CDH4: variants seen among roughly 807,000 people sequenced by gnomAD.
CDH4 encodes cadherin 4.
CDH4 carries 33 observed loss-of-function variants against 86.0 expected under a neutral mutation model. The observed-to-expected ratio is 0.38, with a 90% CI of 0.29 to 0.51. The LOEUF is 0.51. Among genes scored for constraint, CDH4 ranks in the 20% least tolerant of loss-of-function variants. CDH4 has a pLI of 0.86. For missense variants in CDH4, 1,114 were observed against 1,307.4 expected (o/e 0.85, Z 2.28); for synonymous variants, 555 against 549.4 (o/e 1.01, Z -0.14).
intron 4 of CDH4, among the ~76,000 whole-genome samples, chr20:61,828,314 C>T (rs1363252937): frequency 6.6e-6 from 1 of 152,286 alleles, no homozygotes; most frequent in Admixed American, 6.5e-5. Flanking sequence ...ATTTGCCTCC[C>T]CCCATTACAC....
At chr20:61,701,315 T>A (rs1274924646) in intron 2 of CDH4, among the ~76,000 whole-genome samples, 2 of 152,190 alleles carry the variant, frequency 1.3e-5, no homozygotes, top group African/African-American at 4.8e-5. Flanking sequence ...GATGCTGGGG[T>A]GGAATTTCAA....
At chr20:61,818,074 G>A (rs1008982399) in intron 4 of CDH4, among the ~76,000 whole-genome samples, 4 of 151,944 alleles carry the variant, frequency 2.6e-5, no homozygotes, top group Admixed American at 6.5e-5. Flanking sequence ...CTGTCACCCA[G>A]GCTGGAGTGC....
chr20:61,384,752 C>G (rs1177819540), intron 2 of CDH4, among the ~76,000 whole-genome samples: 1 of 150,024 alleles, frequency 6.7e-6, no homozygotes, highest in East Asian at 1.9e-4. Context: ...TGGGGGTTCT[C>G]TTTCATTAAT....
At chr20:61,482,606 C>G (rs116823084) in intron 2 of CDH4, among the ~76,000 whole-genome samples, 2,838 of 152,292 alleles carry the variant, frequency 0.019, 88 homozygotes, top group African/African-American at 0.064. Context: ...TCTCCTACCC[C>G]TGTTCTGCTG....
chr20:61,903,090 T>C (rs2054747107), intron 8 of CDH4, among the ~76,000 whole-genome samples: 2 of 151,940 alleles, frequency 1.3e-5, no homozygotes, highest in Non-Finnish European at 2.9e-5. Context: ...TTAGGAAACT[T>C]CGTGTGCCAC....
chr20:61,416,770 GTC>G (rs1215400261), intron 2 of CDH4, among the ~76,000 whole-genome samples: 2 of 152,236 alleles, frequency 1.3e-5, no homozygotes, highest in Non-Finnish European at 1.5e-5. Context: ...CGCTGGGCGA[GTC>G]TCCCCGCAGC....
intron 2 of CDH4, among the ~76,000 whole-genome samples, chr20:61,543,903 A>G (rs1174272178): frequency 6.6e-6 from 1 of 152,194 alleles, no homozygotes; most frequent in South Asian, 2.1e-4. Context: ...GGACTCCCCT[A>G]GGATTCTAGA....
intron 2 of CDH4, among the ~76,000 whole-genome samples, chr20:61,424,872 C>T (rs556046902): frequency 1.8e-5 from 2 of 108,332 alleles, no homozygotes; most frequent in South Asian, 5.4e-4. Context: ...TGTGACAGCA[C>T]AGTGCCCCAC....
intron 2 of CDH4, among the ~76,000 whole-genome samples, chr20:61,633,238 CATCT>C (rs1423488187): frequency 3.4e-5 from 5 of 145,112 alleles, no homozygotes; most frequent in Admixed American, 1.3e-4. Context: ...TTCATCCATC[CATCT>C]ATCCATCTAT....
intron 4 of CDH4, among the ~76,000 whole-genome samples, chr20:61,816,528 T>A (rs553306798): frequency 2.0e-5 from 3 of 152,324 alleles, no homozygotes; most frequent in Admixed American, 2.0e-4. Context: ...ATAGAACCCA[T>A]TCTCTCTGCT....
intron 2 of CDH4, among the ~76,000 whole-genome samples, chr20:61,587,798 TG>T (rs2086489560): frequency 1.3e-5 from 2 of 152,226 alleles, no homozygotes; most frequent in African/African-American, 4.8e-5. Context: ...TATTATTTAT[TG>T]TTTTTTTAAT....
chr20:61,653,191 G>C (rs997880464), intron 2 of CDH4, among the ~76,000 whole-genome samples: 1 of 129,150 alleles, frequency 7.7e-6, no homozygotes, highest in East Asian at 2.0e-4. Flanking sequence ...ATCTTGCACC[G>C]CCCTTAATCC....
intron 4 of CDH4, among the ~76,000 whole-genome samples, chr20:61,789,414 G>A (rs982417097): frequency 3.3e-5 from 5 of 152,200 alleles, no homozygotes; most frequent in Non-Finnish European, 5.9e-5. Flanking sequence ...CAGCCAAGGT[G>A]CATGTCAGAA....
intron 7 of CDH4, among the ~76,000 whole-genome samples, chr20:61,886,870 G>A (rs758207706): frequency 2.6e-5 from 4 of 152,220 alleles, no homozygotes; most frequent in Non-Finnish European, 5.9e-5. Context: ...AGACACTTCT[G>A]AGAACAGGGC....
At chr20:61,384,568 A>C (rs953958412) in intron 2 of CDH4, among the ~76,000 whole-genome samples, 4 of 151,844 alleles carry the variant, frequency 2.6e-5, no homozygotes, top group Non-Finnish European at 5.9e-5. Flanking sequence ...TTCTCATCCC[A>C]CCCTCTGCGT....
chr20:61,521,200 T>C (rs2085866459), intron 2 of CDH4, among the ~76,000 whole-genome samples: 1 of 152,170 alleles, frequency 6.6e-6, no homozygotes, highest in South Asian at 2.1e-4. Context: ...TTTCTGCAAG[T>C]CCCGCTGCTT....
At chr20:61,705,515 T>A (rs1224218028) in intron 2 of CDH4, among the ~76,000 whole-genome samples, 1 of 152,234 alleles carries the variant, frequency 6.6e-6, no homozygotes, top group East Asian at 1.9e-4. Context: ...TCTTTCAATC[T>A]CAGAGTCCTC....
intron 3 of CDH4, among the ~76,000 whole-genome samples, chr20:61,759,081 T>C (rs1363417038): frequency 6.6e-6 from 1 of 152,158 alleles, no homozygotes; most frequent in Non-Finnish European, 1.5e-5. Context: ...TATTTGTGCA[T>C]GCATGTGTGC....
At chr20:61,306,384 C>T (rs1024504240) in intron 2 of CDH4, among the ~76,000 whole-genome samples, 5 of 151,590 alleles carry the variant, frequency 3.3e-5, no homozygotes, top group African/African-American at 1.2e-4. Flanking sequence ...GTCACCCAGG[C>T]TGGAGTACAG....
Sources: allele counts gnomAD v4.1 joint callset (sites outside exome capture counted in the v4.1 genomes callset), GRCh38; gene constraint gnomAD v4.1.1; transcripts MANE v1.5; gene names NCBI Gene and HGNC (gene_info 2026-07-23, HGNC 2026-07-21).